NCR2: variants seen among roughly 807,000 people sequenced by gnomAD.
NCR2 encodes natural cytotoxicity triggering receptor 2, also known as NK cell activating receptor (NKp44).
Under a neutral mutation model 30.7 loss-of-function variants are expected in NCR2, and 35 were observed. That is an observed-to-expected ratio of 1.14 (90% CI 0.87 to 1.51). NCR2 has a LOEUF of 1.51. Ranked by LOEUF, NCR2 falls within the 40% of genes most tolerant of loss-of-function variation. The pLI, the probability that NCR2 is intolerant of heterozygous loss-of-function variation, is 0.00. For synonymous variants in NCR2, 146 were observed against 134.8 expected, an observed-to-expected ratio of 1.08 and a Z score of -0.58; for missense variants, 316 against 328.9, an observed-to-expected ratio of 0.96 and a Z score of 0.30.
chr6:41,349,179 A>G (rs1018827847), intron 4 of NCR2, among the ~76,000 whole-genome samples: 5 of 147,334 alleles, frequency 3.4e-5, no homozygotes, highest in Non-Finnish European at 7.5e-5. Context: ...ATAATTTTAT[A>G]TATTATGCAT....
rs377176492 is a variant in NCR2, at chr6:41,350,790, G to A, written c.757G>A (p.Val253Ile). Residue 253 changes from valine to isoleucine, a missense_variant, in exon 5 of 5, where the codon GTA becomes ATA. Transcript: ENST00000373089. Reference protein sequence around the residue: ...DLPWTSVSSPVEREILYHTVA... With the variant: ...DLPWTSVSSPIEREILYHTVA... Reference sequence around the variant, plus strand: ...TCCCTGGACCTCAGTTTCCTCACCTGTAGAGAGAGAAATATTATATCACAC... The same window carrying A: ...TCCCTGGACCTCAGTTTCCTCACCTATAGAGAGAGAAATATTATATCACAC... The A allele has an allele frequency of 2.4e-5, 34 of 1,393,510 alleles. No homozygotes were observed. The African/African-American group carries it at 4.7e-4, about 19-fold the overall frequency. 86.3% of individuals were successfully genotyped at this position (1,393,510 alleles called of 1,614,324 possible).
At chr6:41,344,433 T>C (rs1769250537) in intron 4 of NCR2, among the ~76,000 whole-genome samples, 1 of 152,230 alleles carries the variant, frequency 6.6e-6, no homozygotes, top group South Asian at 2.1e-4. Context: ...ACAATCCCGA[T>C]GTTGGACCTA....
rs1386646005 is a variant in NCR2, at chr6:41,336,261, C to A, written c.227C>A (p.Ala76Asp). The A allele has an allele frequency of 6.2e-7, 1 of 1,614,158 alleles. No individual in the cohort carries two copies. The highest frequency in any genetic ancestry group is 1.1e-5 in the South Asian group (1 of 91,084). The part of the protein sequence containing the change: ...LVTSSKPRTM[A>D]WTSRFTIWDD... ...ACCAGCTCCAAGCCCAGGACGATGG[C>A]TTGGACCTCTCGATTCACAATCTGG... is the stretch of plus-strand genomic sequence containing the variant. Residue 76 changes from alanine to aspartate, a missense_variant, in exon 2 of 5, where the codon GCT (alanine) becomes GAT (aspartate). Coordinates refer to ENST00000373089, the MANE Select transcript of NCR2 (RefSeq NM_004828.4).
intron 4 of NCR2, among the ~76,000 whole-genome samples, chr6:41,344,492 T>C (rs1769251591): frequency 6.6e-6 from 1 of 152,210 alleles, no homozygotes; most frequent in African/African-American, 2.4e-5. Context: ...TTGTCATCTA[T>C]TTTTCTTTAT....
intron 4 of NCR2, chr6:41,342,810 T>A: frequency 1.1e-6 from 1 of 900,588 alleles, no homozygotes; most frequent in Non-Finnish European, 1.8e-6. Context: ...CAGGGACAAC[T>A]CAGTCAGGCC....
intron 2 of NCR2, among the ~76,000 whole-genome samples, chr6:41,339,131 G>A (rs559913018): frequency 1.8e-4 from 28 of 152,206 alleles, no homozygotes; most frequent in African/African-American, 6.3e-4. Context: ...GTGCAATCTC[G>A]GCTCACTGCA....
At chr6:41,337,795 T>C (rs1769072098) in intron 2 of NCR2, among the ~76,000 whole-genome samples, 2 of 152,336 alleles carry the variant, frequency 1.3e-5, no homozygotes, top group South Asian at 4.1e-4. Flanking sequence ...TCTTCAATCC[T>C]TTATCAGTAG....
rs371489341 is a variant in NCR2 at position 41,350,682 on chromosome 6, G to C, written c.649G>C (p.Asp217His). ...VLSALLVWWG[D>H]IWWKTMMELR... ...GGTTTCCTGCTCTGATTGCAGGGGG[G>C]ACATATGGTGGAAAACCATGATGGA... Residue 217 changes from aspartate (D) to histidine (H), a missense_variant, in exon 5 of 5, where the codon GAC (aspartate) becomes CAC (histidine). By Grantham distance (81) the Asp-to-His change is moderately conservative (BLOSUM62 -1). Transcript: ENST00000373089. The C allele has an allele frequency of 1.9e-5, 31 of 1,612,808 alleles. No individual in the cohort carries two copies. Among genetic ancestry groups the C allele is most frequent in the Non-Finnish European group, 2.5e-5 (29 of 1,179,552 alleles).
rs985678602 is a variant in NCR2, at chr6:41,336,117, T to C, written c.83T>C (p.Leu28Pro). The change falls in exon 2 of 5, where the codon CTT becomes CCT. Residue 28 changes from leucine to proline, a missense_variant. Coordinates refer to ENST00000373089, the MANE Select transcript of NCR2 (RefSeq NM_004828.4). ...CAGGCACAATCCAAGGCTCAGGTAC[T>C]TCAAAGTGTGGCAGGGCAGACGCTA... is the stretch of plus-strand genomic sequence containing the variant. ...GSQAQSKAQV[L>P]QSVAGQTLTV... is the part of the protein sequence containing the mutation. The C allele has an allele frequency of 4.0e-5, 65 of 1,613,958 alleles. No homozygotes were observed. The highest frequency in any genetic ancestry group is 5.4e-5 in the Non-Finnish European group (64 of 1,180,020).
At chr6:41,349,889 G>A (rs1769387772) in intron 4 of NCR2, among the ~76,000 whole-genome samples, 1 of 152,102 alleles carries the variant, frequency 6.6e-6, no homozygotes, top group Non-Finnish European at 1.5e-5. Flanking sequence ...TCAAGTCCCA[G>A]CTCCCTCATG....
chr6:41,341,268 G>A (rs563124497), intron 2 of NCR2, among the ~76,000 whole-genome samples: 3 of 152,254 alleles, frequency 2.0e-5, no homozygotes, highest in South Asian at 4.1e-4. Flanking sequence ...GGAGTGGTGC[G>A]CAGCCGGTTC....
In NCR2 at chr6:41,341,929, A is replaced by T; in HGVS notation, c.530A>T (p.Gln177Leu). The T allele has an allele frequency of 6.2e-7, 1 of 1,613,676 alleles. No individual in the cohort carries two copies. The highest frequency in any genetic ancestry group is 1.1e-5 in the South Asian group (1 of 91,034). The change falls in exon 3 of 5, where the codon CAG becomes CTG. Residue 177 changes from glutamine (Q) to leucine (L), a missense_variant and splice_region_variant. By Grantham distance (113) the Gln-to-Leu change is moderately radical. Coordinates refer to ENST00000373089, the MANE Select transcript of NCR2 (RefSeq NM_004828.4). ...CCATCTACCATCCCTGTCCCTTCAC[A>T]GTGAGTTTCGGGGTGCCCGTAGCCA... ...ESPSTIPVPS[Q>L]PQNSTLRPGP...
intron 2 of NCR2, among the ~76,000 whole-genome samples, chr6:41,338,640 G>A (rs147005564): frequency 5.9e-5 from 9 of 152,294 alleles, no homozygotes; most frequent in Non-Finnish European, 1.0e-4. Context: ...TCATATCATT[G>A]TGTTCAAATT....
chr6:41,343,162 C>A (rs1769219453), intron 4 of NCR2: 3 of 750,180 alleles, frequency 4.0e-6, no homozygotes, highest in Non-Finnish European at 4.3e-6. Flanking sequence ...GCTGCAGAAC[C>A]CAGGCCCTCT....
At position 41,335,786 on chromosome 6, in the gene NCR2, G is replaced by A. The variant is rs1461096317; in HGVS notation, c.-91G>A. On this transcript the variant is annotated 5_prime_UTR_variant, in exon 1 of 5. Transcript: ENST00000373089. ...TCTCATTTTTCTATCAGACGTGCTG[G>A]AAGAGCAGCAGAATCAGGCCCAGCT... 8.0e-6 allele frequency: 11 copies of A among 1,377,928 alleles called. No individual in the cohort carries two copies. In the Admixed American group the frequency reaches 1.2e-4, roughly 15 times the overall value. The allele number at this position is 1,377,928 out of a possible 1,614,324, so 85.4% of individuals were successfully genotyped here. A position where few individuals can be genotyped will look rare whatever the true frequency, so the allele number is the denominator to read the frequency against.
intron 3 of NCR2, 53 bp from the exon 4 acceptor site, chr6:41,341,983 G>T (rs761236677): frequency 5.6e-5 from 91 of 1,611,974 alleles, no homozygotes; most frequent in Non-Finnish European, 7.1e-5. Flanking sequence ...CTGGCAGATG[G>T]AGACTTGCCT....
chr6:41,335,866 A>G lies in NCR2; in HGVS notation c.-11A>G. ...GTGTCCCCTCCCATGAGCGCACAGG[A>G]AAAGGACCACATGGCCTGGCGAGCC... is the stretch of plus-strand genomic sequence containing the variant. On this transcript the variant is annotated 5_prime_UTR_variant, in exon 1 of 5. Coordinates refer to ENST00000373089, the MANE Select transcript of NCR2 (RefSeq NM_004828.4). 6.4e-7 allele frequency: 1 copy of G among 1,562,498 alleles called. No homozygotes were observed. The highest frequency in any genetic ancestry group is 8.7e-7 in the Non-Finnish European group (1 of 1,152,970).
chr6:41,335,887 G>T lies in NCR2; in HGVS notation c.11G>T (p.Arg4Leu). Residue 4 changes from arginine (R) to leucine (L), a missense_variant, in exon 1 of 5, where the codon CGA (arginine) becomes CTA (leucine). Transcript: ENST00000373089. Reference sequence around the variant, plus strand: ...CAGGAAAAGGACCACATGGCCTGGCGAGCCCTACACCCACTGCTACTGCTG... The same window carrying T: ...CAGGAAAAGGACCACATGGCCTGGCTAGCCCTACACCCACTGCTACTGCTG... MAW[R>L]ALHPLLLLLL... 6.4e-7 allele frequency: 1 copy of T among 1,568,958 alleles called. No homozygotes were observed. Among genetic ancestry groups the T allele is most frequent in the Non-Finnish European group, 8.6e-7 (1 of 1,156,390 alleles).
At chr6:41,336,527 A>C in intron 2 of NCR2, 99 bp downstream of exon 2, 3 of 973,480 alleles carry the variant, frequency 3.1e-6, no homozygotes, top group Non-Finnish European at 4.6e-6. Flanking sequence ...ACCCATGCCC[A>C]CGCCCCAGTC....
Sources: gnomAD v4.1 joint callset for allele counts (sites outside exome capture counted in the v4.1 genomes callset) on GRCh38, gnomAD v4.1.1 for gene constraint, MANE v1.5 for transcripts, NCBI Gene and HGNC (gene_info 2026-07-23, HGNC 2026-07-21) for gene names.